Variants in EDA2R observed in about 807,000 individuals in gnomAD.
EDA2R encodes ectodysplasin A2 receptor.
Under a neutral mutation model 20.1 loss-of-function variants are expected in EDA2R, and 26 were observed. The ratio of observed to expected loss-of-function variants is 1.30; its 90% CI spans 0.95 to 1.80. The LOEUF (loss-of-function observed/expected upper bound fraction) is 1.80, where lower values mean the gene tolerates loss of function less well. EDA2R is among the 40% of genes most tolerant of loss of function. The pLI is 0.00. For missense variants in EDA2R, 277 were observed against 228.7 expected (o/e 1.21, Z -1.36); for synonymous variants, 114 against 88.7 (o/e 1.29, Z -1.60).
At chrX:66,613,107 T>A in intron 2 of EDA2R, among the ~76,000 whole-genome samples, 1 of 111,273 alleles carries the variant, frequency 9.0e-6, no homozygotes, top group Middle Eastern at 4.7e-3. Context: ...TCAAGAATGG[T>A]TTATACTGGG....
intron 1 of EDA2R, among the ~76,000 whole-genome samples, chrX:66,630,822 T>TAC (rs768792873): frequency 0.14 from 13,483 of 93,124 alleles, 836 homozygotes; most frequent in Middle Eastern, 0.23. Flanking sequence ...TATATATATA[T>TAC]ACACACACAC....
chrX:66,628,659 A>G (rs761994549), intron 1 of EDA2R, among the ~76,000 whole-genome samples: 1 of 109,074 alleles, frequency 9.2e-6, no homozygotes, highest in Non-Finnish European at 1.9e-5. Flanking sequence ...TATCCTGAAC[A>G]GACCAATAAC....
At chrX:66,602,581 C>A in intron 5 of EDA2R, 52 bp downstream of exon 5, 1 of 1,127,612 alleles carries the variant, frequency 8.9e-7, no homozygotes. Flanking sequence ...TCTCTTCTGC[C>A]AATAAGAGCC....
chrX:66,615,796 C>T lies in EDA2R; in HGVS notation c.87+138G>A, dbSNP rs961688357. The T allele has an allele frequency of 6.7e-5, 32 of 476,043 alleles. No homozygotes were observed. In the East Asian group the frequency reaches 1.2e-3, roughly 18 times the overall value. 39.2% of individuals were successfully genotyped at this position (476,043 alleles called of 1,213,427 possible). A position where few individuals can be genotyped will look rare whatever the true frequency, so the allele number is the denominator to read the frequency against. Reference sequence around the variant, plus strand: ...CTGGAATCATGACTGCTATTGCATACTCTGTGGATCCCAGGTTTTACCCGC... The same window carrying T: ...CTGGAATCATGACTGCTATTGCATATTCTGTGGATCCCAGGTTTTACCCGC... On this transcript the variant is annotated intron_variant, in intron 2 of 6. Coordinates refer to ENST00000374719, the MANE Select transcript of EDA2R (RefSeq NM_021783.5).
rs1382992082 is a variant in EDA2R, at chrX:66,616,176, T to C, written c.-10-146A>G. The C allele has an allele frequency of 2.0e-5, 9 of 443,940 alleles. No homozygotes were observed. The East Asian group carries it at 3.0e-4, about 15-fold the overall frequency. The allele number at this position is 443,940 out of a possible 1,213,427, so 36.6% of individuals were successfully genotyped here. On this transcript the variant is annotated intron_variant, in intron 1 of 6. Coordinates refer to ENST00000374719, the MANE Select transcript of EDA2R (RefSeq NM_021783.5). ...GAGGAAGCCAACACAAAAGAGTTAA[T>C]GCTTATGTAGCTCTGACCATGTGCC...
At chrX:66,633,310 G>A (rs985080154) in intron 1 of EDA2R, among the ~76,000 whole-genome samples, 1 of 111,789 alleles carries the variant, frequency 8.9e-6, no homozygotes, top group Non-Finnish European at 1.9e-5. Flanking sequence ...ATTGTTAAAC[G>A]AATGGGGAAA....
intron 2 of EDA2R, among the ~76,000 whole-genome samples, chrX:66,610,389 T>C (rs1930531993): frequency 9.1e-6 from 1 of 110,226 alleles, no homozygotes; most frequent in Non-Finnish European, 1.9e-5. Context: ...AATCCTTCAA[T>C]GAACAGATGA....
chrX:66,631,017 A>G (rs761757806), intron 1 of EDA2R, among the ~76,000 whole-genome samples: 2 of 109,957 alleles, frequency 1.8e-5, no homozygotes, highest in Non-Finnish European at 3.8e-5. Flanking sequence ...GTGTGTATAT[A>G]TACATATACA....
At chrX:66,609,408 T>A (rs1393659335) in intron 2 of EDA2R, among the ~76,000 whole-genome samples, 2 of 111,692 alleles carry the variant, frequency 1.8e-5, no homozygotes, top group African/African-American at 6.5e-5. Context: ...TCACTCACAA[T>A]GATCCCATCT....
At chrX:66,602,553 T>A in intron 5 of EDA2R, 80 bp downstream of exon 5, 1 of 1,047,907 alleles carries the variant, frequency 9.5e-7, no homozygotes, top group Non-Finnish European at 1.3e-6. Flanking sequence ...CCATTGTCTC[T>A]CAACCCCAGA....
intron 1 of EDA2R, among the ~76,000 whole-genome samples, chrX:66,636,208 A>G (rs1405545599): frequency 1.8e-5 from 2 of 112,114 alleles, no homozygotes; most frequent in Non-Finnish European, 3.8e-5. Flanking sequence ...ACCAGAAAAA[A>G]ATAATTTAAA....
At chrX:66,603,598 A>AC (rs2147607612) in intron 4 of EDA2R, among the ~76,000 whole-genome samples, 1 of 111,990 alleles carries the variant, frequency 8.9e-6, no homozygotes, top group East Asian at 2.8e-4. Flanking sequence ...ATAGTAAAAA[A>AC]AAAATAAACT....
intron 1 of EDA2R, among the ~76,000 whole-genome samples, chrX:66,623,529 T>A (rs778255315): frequency 3.8e-4 from 42 of 111,965 alleles, no homozygotes; most frequent in Non-Finnish European, 7.1e-4. Context: ...TGGCATATAA[T>A]AAAGAGCTCA....
intron 1 of EDA2R, among the ~76,000 whole-genome samples, chrX:66,628,132 G>C (rs1243567149): frequency 1.8e-5 from 2 of 111,272 alleles, no homozygotes; most frequent in African/African-American, 6.5e-5. Flanking sequence ...AAAATTCTTA[G>C]AACTGAATGA....
intron 2 of EDA2R, among the ~76,000 whole-genome samples, chrX:66,607,138 C>A (rs1296214136): frequency 4.5e-5 from 5 of 111,696 alleles, no homozygotes; most frequent in Non-Finnish European, 7.5e-5. Context: ...CTAGTGGAGA[C>A]CTAAAGCTTA....
chrX:66,613,084 C>T (rs909480351), intron 2 of EDA2R, among the ~76,000 whole-genome samples: 1 of 110,679 alleles, frequency 9.0e-6, no homozygotes, highest in African/African-American at 3.3e-5. Context: ...GGGTATTTAC[C>T]TTAAAACTAT....
intron 1 of EDA2R, among the ~76,000 whole-genome samples, chrX:66,620,965 C>CAAAAAA (rs376190384): frequency 3.6e-5 from 2 of 55,303 alleles, no homozygotes; most frequent in African/African-American, 5.6e-5. Context: ...TATCCACTAC[C>CAAAAAA]AAAAAAAAAA....
intron 1 of EDA2R, among the ~76,000 whole-genome samples, chrX:66,627,375 C>T (rs1933205713): frequency 9.0e-6 from 1 of 111,662 alleles, no homozygotes; most frequent in Non-Finnish European, 1.9e-5. Flanking sequence ...TATCTGCTGC[C>T]TTCAGGACAA....
chrX:66,624,249 T>G (rs1250460376), intron 1 of EDA2R, among the ~76,000 whole-genome samples: 1 of 112,095 alleles, frequency 8.9e-6, no homozygotes, highest in Non-Finnish European at 1.9e-5. Context: ...GCAGGTGCAG[T>G]GGCTCCCGCC....
Sources: gnomAD v4.1 joint callset for allele counts (sites outside exome capture counted in the v4.1 genomes callset) on GRCh38, gnomAD v4.1.1 for gene constraint, MANE v1.5 for transcripts, NCBI Gene and HGNC (gene_info 2026-07-23, HGNC 2026-07-21) for gene names.